Variants in GRM5 observed in about 807,000 individuals in gnomAD.
GRM5 encodes metabotropic glutamate receptor 5.
In GRM5, 19 loss-of-function variants were observed where a neutral mutation model predicts 83.1. That is an observed-to-expected ratio of 0.23 (90% confidence interval 0.16 to 0.34). The LOEUF (loss-of-function observed/expected upper bound fraction) is 0.34. Ranked by LOEUF, GRM5 falls within the 10% of genes least tolerant of loss-of-function variation. The pLI is 1.00. For synonymous variants in GRM5, 675 were observed against 633.6 expected, an observed-to-expected ratio of 1.07 and a Z score of -0.98; for missense variants, 1,160 against 1,588.3, an observed-to-expected ratio of 0.73 and a Z score of 4.58.
intron 3 of GRM5, among the ~76,000 whole-genome samples, chr11:88,788,075 T>C (rs1293667403): frequency 6.6e-6 from 1 of 152,174 alleles, no homozygotes; most frequent in African/African-American, 2.4e-5. Flanking sequence ...TCTCTTTATA[T>C]CCTGCTGGGC....
chr11:88,628,685 G>A (rs1333013803), intron 4 of GRM5, among the ~76,000 whole-genome samples: 1 of 152,156 alleles, frequency 6.6e-6, no homozygotes, highest in Non-Finnish European at 1.5e-5. Context: ...TGTCCATCAG[G>A]AGCAGGAGAA....
At chr11:88,835,985 C>A (rs1385630658) in intron 3 of GRM5, among the ~76,000 whole-genome samples, 1 of 152,146 alleles carries the variant, frequency 6.6e-6, no homozygotes, top group South Asian at 2.1e-4. Flanking sequence ...CTCCAACCAA[C>A]ACTCCTAAGA....
intron 3 of GRM5, among the ~76,000 whole-genome samples, chr11:88,706,266 C>T (rs190845198): frequency 1.7e-4 from 26 of 152,170 alleles, no homozygotes; most frequent in African/African-American, 5.8e-4. Flanking sequence ...TTACCATTCC[C>T]AGAAGCAGTC....
intron 4 of GRM5, among the ~76,000 whole-genome samples, chr11:88,611,676 T>C (rs553819893): frequency 1.3e-5 from 2 of 152,314 alleles, no homozygotes; most frequent in South Asian, 2.1e-4. Flanking sequence ...TTTGTTTTCA[T>C]TGATGTTTTG....
intron 1 of GRM5, among the ~76,000 whole-genome samples, chr11:89,051,613 G>A (rs1941763478): frequency 6.6e-6 from 1 of 151,462 alleles, no homozygotes; most frequent in Admixed American, 6.6e-5. Context: ...AGGAGGCTGA[G>A]GCAGGAGAAT....
rs7123774 is a variant in GRM5 at position 88,627,382 on chromosome 11, A to G, written c.1148-22418T>C. On this transcript the variant is annotated intron_variant, in intron 4 of 9. Coordinates refer to ENST00000305447, the MANE Select transcript of GRM5 (RefSeq NM_001143831.3). ...ACCCTATAATTTCTTTGTGGCACAT[A>G]TTTTAGGTCTGATGGACCCAGCTTT... is the stretch of plus-strand genomic sequence containing the variant. Among the ~76,000 whole-genome samples the G allele has an allele frequency of 3.9e-5, 6 of 152,270 alleles. No individual in the cohort carries two copies. The South Asian group carries it at 1.2e-3, about 32-fold the overall frequency.
chr11:89,046,281 G>A (rs1941640548), intron 2 of GRM5, among the ~76,000 whole-genome samples: 1 of 152,058 alleles, frequency 6.6e-6, no homozygotes, highest in Non-Finnish European at 1.5e-5. Flanking sequence ...TGTTAATGCA[G>A]AATTTTAAGA....
At chr11:88,647,587 G>T (rs1939500229) in intron 4 of GRM5, among the ~76,000 whole-genome samples, 1 of 152,010 alleles carries the variant, frequency 6.6e-6, no homozygotes. Context: ...CAGGACATAG[G>T]CATGGGCAAG....
intron 8 of GRM5, among the ~76,000 whole-genome samples, chr11:88,543,153 A>T (rs1942309306): frequency 6.6e-6 from 1 of 152,240 alleles, no homozygotes; most frequent in Non-Finnish European, 1.5e-5. Context: ...GTGTAATTTG[A>T]ACTTACCCTG....
chr11:88,566,084 T>G (rs975136224), intron 8 of GRM5, among the ~76,000 whole-genome samples: 3 of 152,230 alleles, frequency 2.0e-5, no homozygotes, highest in African/African-American at 7.2e-5. Context: ...TTCCATTTAT[T>G]TATCTAGATT....
intron 3 of GRM5, among the ~76,000 whole-genome samples, chr11:88,689,054 T>G (rs921612473): frequency 3.3e-5 from 5 of 152,064 alleles, no homozygotes; most frequent in African/African-American, 1.2e-4. Context: ...TCTAGTACAG[T>G]ACCTGGGAAC....
At chr11:88,629,033 TG>T in intron 4 of GRM5, among the ~76,000 whole-genome samples, 1 of 152,308 alleles carries the variant, frequency 6.6e-6, no homozygotes, top group Non-Finnish European at 1.5e-5. Flanking sequence ...AAAGTAGGTT[TG>T]TAAATGGTGC....
intron 2 of GRM5, among the ~76,000 whole-genome samples, chr11:89,020,611 A>G (rs569173130): frequency 1.3e-5 from 2 of 152,346 alleles, no homozygotes; most frequent in Admixed American, 6.5e-5. Flanking sequence ...AAAACTCCAT[A>G]TAATCTGGTC....
At chr11:88,894,775 C>A (rs1370386023) in intron 2 of GRM5, among the ~76,000 whole-genome samples, 1 of 151,878 alleles carries the variant, frequency 6.6e-6, no homozygotes, top group African/African-American at 2.4e-5. Flanking sequence ...AAGACAGAAT[C>A]CTTATGAATG....
rs904455755 is a variant in GRM5 at position 88,987,762 on chromosome 11, C to A, written c.661+59450G>T. Among the ~76,000 whole-genome samples the A allele has an allele frequency of 1.6e-3, 237 of 151,918 alleles. 1 individual carries two copies. The highest frequency in any genetic ancestry group is 6.2e-3 in the East Asian group (32 of 5,158). On this transcript the variant is annotated intron_variant, in intron 2 of 9. Transcript: ENST00000305447. ...CCAGCAGGGGCACACTGACACCTCA[C>A]ACGGCAGGGTACTCCAACAGACCTG...
chr11:89,006,573 C>T (rs1223835290), intron 2 of GRM5, among the ~76,000 whole-genome samples: 1 of 152,202 alleles, frequency 6.6e-6, no homozygotes, highest in Non-Finnish European at 1.5e-5. Context: ...GATGGGCTAA[C>T]AGATCATTCA....
intron 3 of GRM5, among the ~76,000 whole-genome samples, chr11:88,677,169 T>C (rs1403728165): frequency 6.6e-6 from 1 of 152,078 alleles, no homozygotes; most frequent in Admixed American, 6.6e-5. Flanking sequence ...AAGATATATA[T>C]ACAACATGTA....
At chr11:88,827,747 C>T (rs1943917473) in intron 3 of GRM5, among the ~76,000 whole-genome samples, 1 of 152,112 alleles carries the variant, frequency 6.6e-6, no homozygotes, top group Non-Finnish European at 1.5e-5. Flanking sequence ...TTATTTTGTA[C>T]CAGGTATTCT....
intron 3 of GRM5, among the ~76,000 whole-genome samples, chr11:88,716,045 A>C (rs1941392529): frequency 6.6e-6 from 1 of 151,948 alleles, no homozygotes; most frequent in Non-Finnish European, 1.5e-5. Flanking sequence ...GAACTTTCTC[A>C]CAAAAATAGG....
Sources: allele counts gnomAD v4.1 joint callset (sites outside exome capture counted in the v4.1 genomes callset), GRCh38; gene constraint gnomAD v4.1.1; transcripts MANE v1.5; gene names NCBI Gene and HGNC (gene_info 2026-07-23, HGNC 2026-07-21).